UPF2: variants seen among roughly 807,000 people sequenced by gnomAD.
UPF2 encodes regulator of nonsense transcripts 2.
A neutral mutation model predicts 141.4 loss-of-function variants in UPF2; 17 were observed. That is an observed-to-expected ratio of 0.12 (90% CI 0.08 to 0.18). The LOEUF (loss-of-function observed/expected upper bound fraction) is 0.18, where lower values mean the gene tolerates loss of function less well. Ranked by LOEUF, UPF2 falls within the 10% of genes least tolerant of loss-of-function variation. The pLI is 1.00. For missense variants in UPF2, 1,152 were observed against 1,515.9 expected (o/e 0.76, Z 3.99); for synonymous variants, 540 against 498.0 (o/e 1.08, Z -1.12).
intron 18 of UPF2, among the ~76,000 whole-genome samples, chr10:11,941,900 A>C (rs570176993): frequency 1.3e-5 from 2 of 152,382 alleles, no homozygotes; most frequent in African/African-American, 4.8e-5. Context: ...TCAGTTTATT[A>C]ATGTTATGAA....
At chr10:11,923,384 T>G (rs574759506) in intron 21 of UPF2, 1 of 152,298 alleles carries the variant, frequency 6.6e-6, no homozygotes, top group South Asian at 2.1e-4. Context: ...TCATCTCTAC[T>G]AAAAATACAA....
At chr10:11,981,846 C>T (rs1001332448) in intron 8 of UPF2, among the ~76,000 whole-genome samples, 2 of 152,094 alleles carry the variant, frequency 1.3e-5, no homozygotes, top group East Asian at 1.9e-4. Flanking sequence ...CCACCGTGCC[C>T]GGCTAATTTT....
rs372472606 is a variant in UPF2, at chr10:11,958,978, A to T, written c.2370+193T>A. 2.5e-3 allele frequency among the ~76,000 whole-genome samples: 384 copies of T among 152,356 alleles called. 3 individuals carry two copies. Among genetic ancestry groups the T allele is most frequent in the South Asian group, 0.021 (102 of 4,828 alleles). ...ACTATTTCAATTAAAACAAAAAGTT[A>T]TCATAAAAGGAAAACAAAACCTATG... On this transcript the variant is annotated intron_variant, in intron 12 of 21. Transcript: ENST00000357604.
rs60922532 is a variant in UPF2 at position 11,994,975 on chromosome 10, C to CA, written c.1844+2696dup. Among the ~76,000 whole-genome samples, 472 of 51,348 alleles carry CA rather than the reference C, an allele frequency of 9.2e-3. 64 individuals carry two copies. The highest frequency in any genetic ancestry group is 0.039 in the East Asian group (31 of 800). 33.7% of individuals were successfully genotyped at this position (51,348 alleles called of 152,430 possible). A position where few individuals can be genotyped will look rare whatever the true frequency, so the allele number is the denominator to read the frequency against. On this transcript the variant is annotated intron_variant, in intron 8 of 21. Transcript: ENST00000357604. ...TGGGCAACAGAGTGAGACTCCATCT[C>CA]AAAAAAAAAAAAAAAAAAAAAAAAA...
chr10:12,026,725 A>C (rs1834426706), intron 3 of UPF2: 1 of 433,086 alleles, frequency 2.3e-6, no homozygotes, highest in Admixed American at 2.7e-5. Flanking sequence ...ATCTCGGCTC[A>C]CTGCAACCTC....
intron 3 of UPF2, among the ~76,000 whole-genome samples, chr10:12,021,366 C>CA (rs780308726): frequency 1.9e-4 from 12 of 64,792 alleles, no homozygotes; most frequent in Admixed American, 6.8e-4. Context: ...CAAGTCTCTA[C>CA]AAAAAAAAAA....
chr10:11,982,870 T>C (rs1175660714), intron 8 of UPF2, among the ~76,000 whole-genome samples: 1 of 152,054 alleles, frequency 6.6e-6, no homozygotes, highest in Non-Finnish European at 1.5e-5. Context: ...TCCACCCCCC[T>C]CAGCCTCCTA....
rs1283120022 is a variant in UPF2 at position 12,019,989 on chromosome 10, C to G, written c.1146-5805G>C. Among the ~76,000 whole-genome samples the G allele has an allele frequency of 6.6e-6, 1 of 151,910 alleles. No individual in the cohort carries two copies. The highest frequency in any genetic ancestry group is 2.1e-4 in the South Asian group (1 of 4,822). On this transcript the variant is annotated intron_variant, in intron 3 of 21. Coordinates refer to ENST00000357604, the MANE Select transcript of UPF2 (RefSeq NM_015542.4). This position sits in a 1 kb window ranked among gnomAD's most constrained non-coding sequence, Gnocchi z 4.5. Reference sequence around the variant, plus strand: ...ATCTGCCCACCTCAGCCTCCCAAACCGCTGGGATTACAGGCATGAGCCACC... The same window carrying G: ...ATCTGCCCACCTCAGCCTCCCAAACGGCTGGGATTACAGGCATGAGCCACC...
chr10:11,999,834 A>T (rs1833924840), intron 7 of UPF2, 72 bp downstream of exon 7: 2 of 1,240,624 alleles, frequency 1.6e-6, no homozygotes, highest in African/African-American at 1.5e-5. Flanking sequence ...TCTAAAAACC[A>T]TAGACATTCC....
At position 11,989,937 on chromosome 10, in the gene UPF2, C is replaced by T. The variant is rs796390806; in HGVS notation, c.1844+7735G>A. 2.4e-4 allele frequency among the ~76,000 whole-genome samples: 36 copies of T among 152,284 alleles called. 1 individual carries two copies. The highest frequency in any genetic ancestry group is 8.2e-4 in the African/African-American group (34 of 41,548). On this transcript the variant is annotated intron_variant, in intron 8 of 21. Coordinates refer to ENST00000357604, the MANE Select transcript of UPF2 (RefSeq NM_015542.4). ...CCTCAGATTTCAGAGGTTTGTTGTT[C>T]CTCCAACATCCCTAACCTATCCTGG...
intron 16 of UPF2, among the ~76,000 whole-genome samples, chr10:11,946,637 A>C (rs1470005058): frequency 1.3e-5 from 2 of 152,032 alleles, no homozygotes; most frequent in Non-Finnish European, 2.9e-5. Flanking sequence ...ATCTTTACTC[A>C]CTCTAACTTT....
chr10:12,039,733 G>A (rs7089994), intron 1 of UPF2, among the ~76,000 whole-genome samples: 6,062 of 150,872 alleles, frequency 0.04, 393 homozygotes, highest in African/African-American at 0.14. Flanking sequence ...TCATTCTCCT[G>A]CCTCAGCCTC....
At chr10:11,943,410 C>T (rs760833685) in intron 16 of UPF2, among the ~76,000 whole-genome samples, 9 of 152,256 alleles carry the variant, frequency 5.9e-5, no homozygotes, top group South Asian at 4.1e-4. Flanking sequence ...ATTGTAGAAG[C>T]TCTTTCTTGA....
intron 14 of UPF2, among the ~76,000 whole-genome samples, chr10:11,952,672 C>T (rs1400854122): frequency 6.6e-6 from 1 of 151,876 alleles, no homozygotes; most frequent in Non-Finnish European, 1.5e-5. Flanking sequence ...GACGGGGTTT[C>T]ACTGTGTTAG....
rs758968043 is a variant in UPF2, at chr10:12,019,819, G to A, written c.1146-5635C>T. ...GCTCACTGCAACCTCCGCCTCCTAG[G>A]TTCAAGCAATTCTCCCTGCCTCAGC... is the stretch of plus-strand genomic sequence containing the variant. On this transcript the variant is annotated intron_variant, in intron 3 of 21. Coordinates refer to ENST00000357604, the MANE Select transcript of UPF2 (RefSeq NM_015542.4). This position sits in a 1 kb window ranked among gnomAD's most constrained non-coding sequence, Gnocchi z 4.5. 2.0e-5 allele frequency among the ~76,000 whole-genome samples: 3 copies of A among 152,052 alleles called. No individual in the cohort carries two copies. Among genetic ancestry groups the A allele is most frequent in the Non-Finnish European group, 4.4e-5 (3 of 68,008 alleles).
intron 21 of UPF2, among the ~76,000 whole-genome samples, chr10:11,922,123 G>A (rs1195411958): frequency 1.3e-5 from 2 of 152,094 alleles, no homozygotes; most frequent in African/African-American, 2.4e-5. Context: ...AAGACTGCCG[G>A]CACCCCCAGC....
At chr10:11,948,610 A>G (rs1833034813) in intron 15 of UPF2, 102 bp from the exon 16 acceptor site, 2 of 1,302,638 alleles carry the variant, frequency 1.5e-6, no homozygotes, top group Non-Finnish European at 1.1e-6. Flanking sequence ...TAAGAATTCA[A>G]CAGCCATTTT....
At chr10:11,950,817 CA>C (rs1174722903) in intron 15 of UPF2, among the ~76,000 whole-genome samples, 1 of 152,146 alleles carries the variant, frequency 6.6e-6, no homozygotes, top group Non-Finnish European at 1.5e-5. Context: ...GTTCAAAGAA[CA>C]AAAAGAATCA....
intron 14 of UPF2, among the ~76,000 whole-genome samples, chr10:11,952,905 C>A (rs762966325): frequency 6.6e-6 from 1 of 152,120 alleles, no homozygotes; most frequent in Non-Finnish European, 1.5e-5. Flanking sequence ...ACAAATTTAA[C>A]CAAATTCAAA....
Sources: gnomAD v4.1 joint callset for allele counts (sites outside exome capture counted in the v4.1 genomes callset) on GRCh38, gnomAD v4.1.1 for gene constraint, Gnocchi (gnomAD v3.1) non-coding constraint, MANE v1.5 for transcripts, NCBI Gene and HGNC (gene_info 2026-07-23, HGNC 2026-07-21) for gene names.